Variants in SEM1 observed in about 807,000 individuals in gnomAD.
SEM1 encodes the protein SEM1 26S proteasome subunit, also known as 26S proteasome complex subunit SEM1.
In SEM1, 3 loss-of-function variants were observed where a neutral mutation model predicts 12.7. The ratio of observed to expected loss-of-function variants is 0.24; its 90% CI spans 0.11 to 0.61. The LOEUF (loss-of-function observed/expected upper bound fraction) is 0.61, where lower values mean the gene tolerates loss of function less well. SEM1 is among the 20% of genes least tolerant of loss of function. SEM1 has a pLI of 0.88. For missense variants in SEM1, 59 were observed against 81.3 expected, an observed-to-expected ratio of 0.73 and a Z score of 1.06; for synonymous variants, 30 against 27.8, an observed-to-expected ratio of 1.08 and a Z score of -0.25.
At chr7:96,593,583 T>A (rs1412744861) in intron 2 of SEM1, among the ~76,000 whole-genome samples, 1 of 152,166 alleles carries the variant, frequency 6.6e-6, no homozygotes, top group East Asian at 1.9e-4. Flanking sequence ...GTAATTCTTC[T>A]TAGAAATAGA....
chr7:96,527,629 A>G (rs1181311214), intron 2 of SEM1, among the ~76,000 whole-genome samples: 1 of 152,192 alleles, frequency 6.6e-6, no homozygotes. Context: ...AGCCAAGGCT[A>G]ATTAAATTAC....
intron 2 of SEM1, among the ~76,000 whole-genome samples, chr7:96,605,797 A>G (rs1309669158): frequency 1.3e-5 from 2 of 152,148 alleles, no homozygotes; most frequent in African/African-American, 4.8e-5. Flanking sequence ...ACCCCCATCC[A>G]AAAATATTAA....
At chr7:96,664,150 A>C (rs978290960) in intron 2 of SEM1, 1 of 152,168 alleles carries the variant, frequency 6.6e-6, no homozygotes, top group Non-Finnish European at 1.5e-5. Flanking sequence ...TTGCTGCCAT[A>C]ACAAATTACC....
At chr7:96,503,798 A>G (rs1435010896) in intron 3 of SEM1, among the ~76,000 whole-genome samples, 2 of 152,072 alleles carry the variant, frequency 1.3e-5, no homozygotes, top group Non-Finnish European at 2.9e-5. Flanking sequence ...ATGAGCTCTG[A>G]CATTAGTTGT....
intron 1 of SEM1, among the ~76,000 whole-genome samples, chr7:96,701,885 A>G (rs1426350868): frequency 6.6e-6 from 1 of 152,154 alleles, no homozygotes; most frequent in Non-Finnish European, 1.5e-5. Flanking sequence ...AATTTAAGAT[A>G]TGCCAGGTCT....
chr7:96,501,762 G>A (rs1803561945), intron 3 of SEM1, among the ~76,000 whole-genome samples: 1 of 152,042 alleles, frequency 6.6e-6, no homozygotes, highest in Non-Finnish European at 1.5e-5. Context: ...TTTAGATTCA[G>A]GTGGTACTTG....
chr7:96,591,317 G>T (rs1445447008), intron 2 of SEM1, among the ~76,000 whole-genome samples: 1 of 152,226 alleles, frequency 6.6e-6, no homozygotes, highest in South Asian at 2.1e-4. Context: ...AAGACTTTCG[G>T]TTAACTTCTG....
intron 2 of SEM1, among the ~76,000 whole-genome samples, chr7:96,537,864 A>G (rs986342889): frequency 1.3e-5 from 2 of 151,728 alleles, no homozygotes; most frequent in Non-Finnish European, 2.9e-5. Flanking sequence ...TACTTCAGAT[A>G]ATTTTTCTGC....
chr7:96,535,694 A>G (rs192451198), intron 2 of SEM1, among the ~76,000 whole-genome samples: 19 of 151,960 alleles, frequency 1.3e-4, no homozygotes, highest in Admixed American at 1.1e-3. Flanking sequence ...CCCTCTCATT[A>G]GTGATAACAT....
At position 96,705,593 on chromosome 7, in the gene SEM1, C is replaced by T. The variant is rs1349646378; in HGVS notation, c.76+4095G>A. On this transcript the variant is annotated intron_variant, in intron 1 of 2. Transcript: ENST00000248566. ...CTGTAATCCCAGCACTTTGGGAGGCCGAGGCGGGCGGATCACCAGGTCAGG... is the reference window on the plus strand; with the variant it reads ...CTGTAATCCCAGCACTTTGGGAGGCTGAGGCGGGCGGATCACCAGGTCAGG... 5.3e-5 allele frequency among the ~76,000 whole-genome samples: 8 copies of T among 151,704 alleles called. 1 individual carries two copies. The highest frequency in any genetic ancestry group is 4.6e-4 in the Admixed American group (7 of 15,258).
At chr7:96,688,643 T>TA (rs890881001), downstream of SEM1, 5,150 of 192,582 alleles carry the variant, frequency 0.027, 1 homozygote, top group Middle Eastern at 0.041. Flanking sequence ...CAGTTAACAT[T>TA]AAAAAAAAAA....
chr7:96,484,133 TTAAG>T, intron 3 of SEM1: 1 of 794,426 alleles, frequency 1.3e-6, no homozygotes, highest in South Asian at 2.0e-5. Flanking sequence ...GGTATAACTG[TTAAG>T]TAAGTTCCCC....
At chr7:96,492,436 G>A (rs1321170564) in intron 1 of SEM1, among the ~76,000 whole-genome samples, 2 of 152,000 alleles carry the variant, frequency 1.3e-5, no homozygotes, top group East Asian at 1.9e-4. Flanking sequence ...TTGAGACAGG[G>A]TCTCACTCTG....
chr7:96,685,783 TA>T (rs529595521), downstream of SEM1, among the ~76,000 whole-genome samples: 519 of 118,288 alleles, frequency 4.4e-3, no homozygotes, highest in Middle Eastern at 9.3e-3. Flanking sequence ...CATGGCTCAG[TA>T]AAAAAAAAAA....
At chr7:96,690,088 T>C (rs1236755570) in intron 2 of SEM1, among the ~76,000 whole-genome samples, 2 of 151,548 alleles carry the variant, frequency 1.3e-5, no homozygotes, top group African/African-American at 2.5e-5. Flanking sequence ...AAATGTTTCA[T>C]ACAAAAACTC....
At chr7:96,516,765 T>C (rs192427882) in intron 2 of SEM1, among the ~76,000 whole-genome samples, 1 of 152,294 alleles carries the variant, frequency 6.6e-6, no homozygotes, top group East Asian at 1.9e-4. Context: ...TTATAGAACA[T>C]GCACATACAT....
intron 2 of SEM1, among the ~76,000 whole-genome samples, chr7:96,674,533 G>A (rs1789404139): frequency 6.6e-6 from 1 of 152,038 alleles, no homozygotes. Context: ...GCGTGGTGGT[G>A]CATGCCTGTG....
chr7:96,651,145 A>C (rs1221894181), intron 2 of SEM1, among the ~76,000 whole-genome samples: 3 of 152,174 alleles, frequency 2.0e-5, no homozygotes, highest in Non-Finnish European at 4.4e-5. Context: ...TAAATTCCCT[A>C]AACTTTGTAG....
At chr7:96,511,557 T>A (rs912239182) in intron 2 of SEM1, among the ~76,000 whole-genome samples, 4 of 151,966 alleles carry the variant, frequency 2.6e-5, no homozygotes, top group African/African-American at 9.7e-5. Context: ...ATAGCACAAA[T>A]TGGAAGAGGA....
Sources: gnomAD v4.1 joint callset for allele counts (sites outside exome capture counted in the v4.1 genomes callset) on GRCh38, gnomAD v4.1.1 for gene constraint, MANE v1.5 for transcripts, NCBI Gene and HGNC (gene_info 2026-07-23, HGNC 2026-07-21) for gene names.